DLGAP5: variants seen among roughly 807,000 people sequenced by gnomAD.
The protein encoded by DLGAP5 is DLG associated protein 5, also known as disks large-associated protein 5.
In DLGAP5, 90 loss-of-function variants were observed where a neutral mutation model predicts 99.6. The observed-to-expected ratio is 0.90, with a 90% CI of 0.76 to 1.08. The LOEUF is 1.08. Ranked by LOEUF, DLGAP5 falls within the 50% of genes least tolerant of loss-of-function variation. The probability of loss-of-function intolerance (pLI) is 0.00; values close to 1 mark genes in which losing one functional copy is unlikely to be tolerated. For missense variants in DLGAP5, 1,036 were observed against 983.5 expected (o/e 1.05, Z -0.71); for synonymous variants, 311 against 321.3 (o/e 0.97, Z 0.34).
Position 55,186,320 on chromosome 14 carries a change from A to G in DLGAP5, c.239-2567T>C, listed in dbSNP as rs993185871. On this transcript the variant is annotated intron_variant, in intron 2 of 18. Coordinates refer to ENST00000247191, the MANE Select transcript of DLGAP5 (RefSeq NM_014750.5). Reference sequence around the variant, plus strand: ...AAAGACATTTCCTTTCATAGCCACGATATCATCATCACACTTAACAAAATC... The same window carrying G: ...AAAGACATTTCCTTTCATAGCCACGGTATCATCATCACACTTAACAAAATC... Among the ~76,000 whole-genome samples the G allele has an allele frequency of 4.6e-5, 7 of 152,204 alleles. No individual in the cohort carries two copies. The East Asian group carries it at 1.3e-3, about 29-fold the overall frequency.
At chr14:55,173,162 T>G (rs567170409) in intron 10 of DLGAP5, among the ~76,000 whole-genome samples, 1 of 149,884 alleles carries the variant, frequency 6.7e-6, no homozygotes, top group South Asian at 2.1e-4. Context: ...AAGCTGGACA[T>G]AGTGGCTCAT....
chr14:55,163,170 T>C (rs1049226161), intron 12 of DLGAP5, 95 bp from the exon 13 acceptor site: 10 of 616,806 alleles, frequency 1.6e-5, no homozygotes, highest in African/African-American at 5.7e-5. Flanking sequence ...AAAATAGTGA[T>C]TCAGAAATGA....
intron 10 of DLGAP5, among the ~76,000 whole-genome samples, chr14:55,173,581 T>C (rs1014764389): frequency 2.1e-5 from 3 of 142,456 alleles, no homozygotes; most frequent in African/African-American, 3.0e-5. Context: ...TCTATAGATA[T>C]ATGTTGTCTC....
chr14:55,153,034 G>A (rs148827496), intron 15 of DLGAP5, among the ~76,000 whole-genome samples: 1,565 of 152,166 alleles, frequency 0.01, 43 homozygotes, highest in Admixed American at 0.062. Flanking sequence ...ACATTTACTC[G>A]TTACTTGTTA....
At position 55,182,437 on chromosome 14, in the gene DLGAP5, G is replaced by T. The variant is rs769187088; in HGVS notation, c.433-5C>A. ...CCGTACAGAAGATGGAATAGCCTTA[G>T]AACAGTCAAAAGAAGATGAACTTAA... On this transcript the variant is annotated splice_polypyrimidine_tract_variant and splice_region_variant and intron_variant, in intron 3 of 18. Transcript: ENST00000247191. 10 of 1,605,560 alleles carry T rather than the reference G, an allele frequency of 6.2e-6. No homozygotes were observed. The highest frequency in any genetic ancestry group is 1.1e-5 in the South Asian group (1 of 89,232).
chr14:55,152,767 G>GATC, intron 15 of DLGAP5, 120 bp from the exon 16 acceptor site: 3 of 792,754 alleles, frequency 3.8e-6, no homozygotes, highest in Non-Finnish European at 5.6e-6. Context: ...CATGGAGCCT[G>GATC]GTGCAAGATC....
chr14:55,178,380 C>T (rs561037975), intron 7 of DLGAP5, among the ~76,000 whole-genome samples: 2 of 152,256 alleles, frequency 1.3e-5, no homozygotes, highest in African/African-American at 2.4e-5. Flanking sequence ...AACACAAGAG[C>T]AATACTTTCA....
Position 55,189,050 on chromosome 14 carries a change from G to A in DLGAP5, c.130C>T (p.His44Tyr). The A allele has an allele frequency of 6.2e-7, 1 of 1,613,838 alleles. No homozygotes were observed. Among genetic ancestry groups the A allele is most frequent in the Non-Finnish European group, 8.5e-7 (1 of 1,179,930 alleles). Residue 44 changes from histidine to tyrosine, a missense_variant, in exon 2 of 19, where the codon CAC becomes TAC. His to Tyr is a moderately conservative substitution (Grantham distance 83). Coordinates refer to ENST00000247191, the MANE Select transcript of DLGAP5 (RefSeq NM_014750.5). ...NRHKEYERNR[H>Y]FGLKDVNIPT... is the part of the protein sequence containing the mutation. ...ATGTTTACATCTTTCAAACCAAAGT[G>A]TCTATTTCGTTCGTATTCCTTATGT...
rs777911043 is a variant in DLGAP5, at chr14:55,177,093, T to A, written c.1018A>T (p.Ser340Cys). Residue 340 changes from serine to cysteine, a missense_variant, in exon 8 of 19, where the codon AGT (serine) becomes TGT (cysteine). Transcript: ENST00000247191. ...GTTTTTAAAGGAGTCCAGGTGTAAC[T>A]GGGTGTCAAAAAAGCATTGGCACTT... ...PRSANAFLTP[S>C]YTWTPLKTEV... 1 of 1,516,592 alleles carries A rather than the reference T, an allele frequency of 6.6e-7. No individual in the cohort carries two copies. The highest frequency in any genetic ancestry group is 1.4e-5 in the African/African-American group (1 of 70,536). 93.9% of individuals were successfully genotyped at this position (1,516,592 alleles called of 1,614,324 possible).
In DLGAP5 at chr14:55,189,104, T is replaced by C; in HGVS notation, c.76A>G (p.Arg26Gly). Residue 26 changes from arginine to glycine, a missense_variant, in exon 2 of 19, where the codon AGG (arginine) becomes GGG (glycine). Coordinates refer to ENST00000247191, the MANE Select transcript of DLGAP5 (RefSeq NM_014750.5). ...TEMIRTKIAH[R>G]KSLSQKENRH... ...TTTTCTTTCTGAGACAGTGATTTCC[T>C]ATGAGCAATTTTAGTTCTAATCATT... The C allele has an allele frequency of 3.1e-6, 5 of 1,614,074 alleles. No individual in the cohort carries two copies. In the South Asian group the frequency reaches 4.4e-5, roughly 14 times the overall value.
At chr14:55,148,761 C>T (rs539323054) in intron 18 of DLGAP5, 31 of 444,606 alleles carry the variant, frequency 7.0e-5, no homozygotes, top group Non-Finnish European at 1.2e-4. Context: ...AATGATTATG[C>T]TACTTTCCAG....
chr14:55,187,431 G>C (rs998184238), intron 2 of DLGAP5, among the ~76,000 whole-genome samples: 4 of 149,026 alleles, frequency 2.7e-5, no homozygotes, highest in Non-Finnish European at 5.9e-5. Context: ...CGATTCTCCT[G>C]CCTCGGCCTC....
At chr14:55,182,172 A>T (rs7155936) in intron 4 of DLGAP5, among the ~76,000 whole-genome samples, 198 bp downstream of exon 4, 12,565 of 152,248 alleles carry the variant, frequency 0.083, 1,394 homozygotes, top group African/African-American at 0.25. Flanking sequence ...TTTGCCATGG[A>T]TCTCATACGG....
chr14:55,167,645 C>T (rs1263766002), intron 12 of DLGAP5, among the ~76,000 whole-genome samples: 4 of 152,114 alleles, frequency 2.6e-5, no homozygotes, highest in Non-Finnish European at 4.4e-5. Context: ...TTCTCATTTT[C>T]CTGAGAAAGG....
At position 55,169,402 on chromosome 14, in the gene DLGAP5, A is replaced by G. The variant is rs746625315; in HGVS notation, c.1545T>C (p.Phe515=). ...TTTGAAATATTGAACCACATACCTG[A>G]AAACTAACCATATCCCAAAATCCAT... ...DLDGFWDMVS[F]QIEDVIHKFN... The change falls in exon 12 of 19, where the codon TTT becomes TTC. Residue 515 remains phenylalanine (F), a synonymous_variant. Transcript: ENST00000247191. The G allele has an allele frequency of 6.6e-7, 1 of 1,525,994 alleles. No homozygotes were observed. The highest frequency in any genetic ancestry group is 8.7e-7 in the Non-Finnish European group (1 of 1,143,880). 94.5% of individuals were successfully genotyped at this position (1,525,994 alleles called of 1,614,324 possible).
chr14:55,179,648 A>C lies in DLGAP5; in HGVS notation c.755T>G (p.Val252Gly). ...VPSKGRPAKN[V>G]ETKPDKGISC... ...CTCTACCTTGTCGGGTTTTGTTTCT[A>C]CATTTTTGGCAGGTCTTCCTTTACT... The change falls in exon 7 of 19, where the codon GTA becomes GGA. Residue 252 changes from valine (V) to glycine (G), a missense_variant. Physicochemically the swap from Val to Gly is moderately radical, Grantham distance 109 (BLOSUM62 -3). Coordinates refer to ENST00000247191, the MANE Select transcript of DLGAP5 (RefSeq NM_014750.5). 6.2e-7 allele frequency: 1 copy of C among 1,612,536 alleles called. No homozygotes were observed. The highest frequency in any genetic ancestry group is 8.5e-7 in the Non-Finnish European group (1 of 1,179,464).
At position 55,151,924 on chromosome 14, in the gene DLGAP5, G is replaced by C; in HGVS notation, c.2139C>G (p.Asp713Glu). 6.2e-7 allele frequency: 1 copy of C among 1,613,164 alleles called. No individual in the cohort carries two copies. The highest frequency in any genetic ancestry group is 1.7e-5 in the Admixed American group (1 of 59,872). Residue 713 changes from aspartate to glutamate, a missense_variant, in exon 17 of 19, where the codon GAC becomes GAG. Asp to Glu is a conservative substitution (Grantham distance 45). Transcript: ENST00000247191. Reference protein sequence around the residue: ...IEENHVVNKTDLKVDCLSSER... With the variant: ...IEENHVVNKTELKVDCLSSER... ...CACTGGATAAACAATCCACCTTCAA[G>C]TCTGTCTTATTTACAACCTGGAAGT...
At chr14:55,162,699 C>T (rs1204602392) in intron 13 of DLGAP5, among the ~76,000 whole-genome samples, 1 of 151,948 alleles carries the variant, frequency 6.6e-6, no homozygotes, top group Non-Finnish European at 1.5e-5. Context: ...TCTGGGTACC[C>T]CAATTCAATC....
intron 7 of DLGAP5, among the ~76,000 whole-genome samples, chr14:55,178,407 T>G (rs1883157854): frequency 6.6e-6 from 1 of 152,216 alleles, no homozygotes; most frequent in South Asian, 2.1e-4. Context: ...CACAAAAGAT[T>G]AACCATATAA....
Sources: gnomAD v4.1 joint callset for allele counts (sites outside exome capture counted in the v4.1 genomes callset) on GRCh38, gnomAD v4.1.1 for gene constraint, MANE v1.5 for transcripts, NCBI Gene and HGNC (gene_info 2026-07-23, HGNC 2026-07-21) for gene names.